Variants in CACNA1E observed in about 807,000 individuals in gnomAD.
The protein encoded by CACNA1E is calcium voltage-gated channel subunit alpha1 E.
CACNA1E carries 40 observed loss-of-function variants against 259.2 expected under a neutral mutation model. The observed-to-expected ratio is 0.15, with a 90% CI of 0.12 to 0.20. The LOEUF (loss-of-function observed/expected upper bound fraction) is 0.20, where lower values mean the gene tolerates loss of function less well. Among genes scored for constraint, CACNA1E ranks in the 10% least tolerant of loss-of-function variants. The pLI, the probability that CACNA1E is intolerant of heterozygous loss-of-function variation, is 1.00. For missense variants in CACNA1E, 1,874 were observed against 3,040.1 expected, an observed-to-expected ratio of 0.62 and a Z score of 9.02; for synonymous variants, 1,104 against 1,138.5, an observed-to-expected ratio of 0.97 and a Z score of 0.61.
intron 3 of CACNA1E, among the ~76,000 whole-genome samples, chr1:181,527,007 G>C (rs567764229): frequency 6.6e-6 from 1 of 152,304 alleles, no homozygotes; most frequent in African/African-American, 2.4e-5. Flanking sequence ...GCCCTAGCTG[G>C]GATGAAGTTG....
chr1:181,755,532 G>T (rs577588317), intron 28 of CACNA1E, 135 bp downstream of exon 28: 1 of 729,244 alleles, frequency 1.4e-6, no homozygotes. Flanking sequence ...AGACAAAATG[G>T]AATCAATAAA....
rs541063899 is a variant in CACNA1E, at chr1:181,485,874, C to G, written c.266+1864C>G. Among the ~76,000 whole-genome samples, 1 of 152,342 alleles carries G rather than the reference C, an allele frequency of 6.6e-6. No individual in the cohort carries two copies. Among genetic ancestry groups the G allele is most frequent in the African/African-American group, 2.4e-5 (1 of 41,578 alleles). ...TTTCTTTGCGGTAGACAAAGCCGCC[C>G]AACCGCCCCGCGGGTGGCAAAGTGT... On this transcript the variant is annotated intron_variant, in intron 1 of 47. Transcript: ENST00000367573. The surrounding 1 kb of genome is among the most constrained non-coding windows in gnomAD (Gnocchi z 4.2).
At chr1:181,614,731 TG>T (rs1655056109) in intron 6 of CACNA1E, among the ~76,000 whole-genome samples, 1 of 152,356 alleles carries the variant, frequency 6.6e-6, no homozygotes, top group East Asian at 1.9e-4. Context: ...GGATAAGTTT[TG>T]ATACATTTTA....
chr1:181,507,498 G>A (rs1255813632), intron 1 of CACNA1E, among the ~76,000 whole-genome samples: 1 of 152,192 alleles, frequency 6.6e-6, no homozygotes, highest in African/African-American at 2.4e-5. Flanking sequence ...GCAGGGAGCT[G>A]GGGCAGTGGA....
chr1:181,326,940 G>A (rs1002729957), intron 1 of CACNA1E, among the ~76,000 whole-genome samples: 28 of 152,188 alleles, frequency 1.8e-4, no homozygotes, highest in South Asian at 8.3e-4. Flanking sequence ...CCCACCCCAC[G>A]TGGGCCTGGC....
intron 38 of CACNA1E, among the ~76,000 whole-genome samples, chr1:181,779,819 T>TATACACACACACACACAC (rs370803050): frequency 6.7e-6 from 1 of 148,292 alleles, no homozygotes; most frequent in Non-Finnish European, 1.5e-5. Flanking sequence ...TATGCACATG[T>TATACACACACACACACAC]ACACACACAC....
Position 181,527,666 on chromosome 1 carries a change from G to C in CACNA1E, c.512+16156G>C, listed in dbSNP as rs148966181. Among the ~76,000 whole-genome samples, 7 of 152,202 alleles carry C rather than the reference G, an allele frequency of 4.6e-5. 1 individual carries two copies. In the East Asian group the frequency reaches 1.4e-3, roughly 29 times the overall value. On this transcript the variant is annotated intron_variant, in intron 3 of 47. Coordinates refer to ENST00000367573, the MANE Select transcript of CACNA1E (RefSeq NM_001205293.3). ...TATTCTTTTTTGAATTCTCATTCCA[G>C]TTCTGGTTTTAAATGTACCTTCAGT...
Position 181,798,702 on chromosome 1 carries a change from A to G in CACNA1E, c.6810A>G (p.Pro2270=), listed in dbSNP as rs756705313. 1.2e-5 allele frequency: 20 copies of G among 1,607,760 alleles called. No individual in the cohort carries two copies. In the African/African-American group the frequency reaches 2.4e-4, roughly 19 times the overall value. ...GTTCCAACACCATCGGCTCAGCCCC[A>G]CCCCTGCGGCATAGCTGGCAGATGC... ...LGRSNTIGSA[P]PLRHSWQMPN... is the part of the protein sequence containing the mutation. The change falls in exon 48 of 48, where the codon CCA becomes CCG. Residue 2270 remains proline, a synonymous_variant. Transcript: ENST00000367573. This position sits in a 1 kb window ranked among gnomAD's most constrained non-coding sequence, Gnocchi z 4.2.
intron 43 of CACNA1E, among the ~76,000 whole-genome samples, chr1:181,789,758 G>A (rs1661135918): frequency 1.3e-5 from 2 of 152,226 alleles, no homozygotes; most frequent in South Asian, 4.1e-4. Context: ...CAAGCCTACT[G>A]TGCCAGTTCT....
At chr1:181,634,269 A>G (rs2101961146) in intron 6 of CACNA1E, among the ~76,000 whole-genome samples, 2 of 152,320 alleles carry the variant, frequency 1.3e-5, no homozygotes, top group East Asian at 3.9e-4. Flanking sequence ...GGTATGAGAA[A>G]TCTCTCAGCA....
intron 1 of CACNA1E, among the ~76,000 whole-genome samples, chr1:181,333,606 G>A (rs1268290794): frequency 6.6e-6 from 1 of 152,100 alleles, no homozygotes; most frequent in Non-Finnish European, 1.5e-5. Context: ...TTTCATTAGG[G>A]GCTTACAAAA....
chr1:181,490,207 G>A (rs111949483), intron 1 of CACNA1E, among the ~76,000 whole-genome samples: 1 of 152,116 alleles, frequency 6.6e-6, no homozygotes, highest in Admixed American at 6.5e-5. Context: ...AGGTGAAGAT[G>A]GGCCAGATTA....
chr1:181,630,222 T>C (rs758072237), intron 6 of CACNA1E, among the ~76,000 whole-genome samples: 6 of 152,140 alleles, frequency 3.9e-5, no homozygotes, highest in African/African-American at 9.7e-5. Flanking sequence ...AATAAGTACC[T>C]AGAAATTAAG....
At chr1:181,484,068 G>A (rs1309193719) in intron 1 of CACNA1E, 58 bp downstream of exon 1, 3 of 1,535,702 alleles carry the variant, frequency 2.0e-6, no homozygotes, top group Admixed American at 1.7e-5. Flanking sequence ...TCGGGTGAAG[G>A]GGGGTACCTA....
At chr1:181,781,302 C>T (rs1660405149) in intron 38 of CACNA1E, 125 bp from the exon 39 acceptor site, 2 of 629,978 alleles carry the variant, frequency 3.2e-6, no homozygotes, top group Admixed American at 2.4e-5. Context: ...CGTTTTTGCT[C>T]TCTGGGAATG....
intron 3 of CACNA1E, among the ~76,000 whole-genome samples, chr1:181,514,997 T>TGAATTGCTA (rs1315643457): frequency 1.3e-5 from 2 of 152,260 alleles, no homozygotes; most frequent in East Asian, 3.9e-4. Context: ...AGAGGGCACA[T>TGAATTGCTA]GAATTGCTAG....
At chr1:181,765,540 T>C (rs1292297047) in intron 34 of CACNA1E, among the ~76,000 whole-genome samples, 2 of 152,202 alleles carry the variant, frequency 1.3e-5, no homozygotes, top group African/African-American at 4.8e-5. Flanking sequence ...TTTTAGCCTC[T>C]CTTCAAGTTG....
At chr1:181,634,545 A>C (rs1657030959) in intron 6 of CACNA1E, among the ~76,000 whole-genome samples, 1 of 152,236 alleles carries the variant, frequency 6.6e-6, no homozygotes, top group Non-Finnish European at 1.5e-5. Flanking sequence ...AATTGGCTGT[A>C]AACTTGCTTT....
intron 3 of CACNA1E, among the ~76,000 whole-genome samples, chr1:181,569,795 G>A (rs1650223985): frequency 6.6e-6 from 1 of 152,206 alleles, no homozygotes; most frequent in African/African-American, 2.4e-5. Flanking sequence ...GTTGCATATT[G>A]TTCCAGAAGG....
Sources: gnomAD v4.1 joint callset for allele counts (sites outside exome capture counted in the v4.1 genomes callset) on GRCh38, gnomAD v4.1.1 for gene constraint, Gnocchi (gnomAD v3.1) non-coding constraint, MANE v1.5 for transcripts, NCBI Gene and HGNC (gene_info 2026-07-23, HGNC 2026-07-21) for gene names.